MIPOL1: variants seen among roughly 807,000 people sequenced by gnomAD.
The protein encoded by MIPOL1 is mirror-image polydactyly 1, also known as mirror-image polydactyly gene 1 protein.
MIPOL1 carries 57 observed loss-of-function variants against 60.9 expected under a neutral mutation model. The observed-to-expected ratio is 0.94, with a 90% CI of 0.76 to 1.17. The LOEUF (loss-of-function observed/expected upper bound fraction) is 1.17, where lower values mean the gene tolerates loss of function less well. MIPOL1 is among the 50% of genes most tolerant of loss of function. MIPOL1 has a pLI of 0.00. For missense variants in MIPOL1, 551 were observed against 511.6 expected (o/e 1.08, Z -0.74); for synonymous variants, 179 against 168.8 (o/e 1.06, Z -0.47).
chr14:37,464,379 C>CT (rs2094574258), intron 11 of MIPOL1, among the ~76,000 whole-genome samples: 1 of 152,054 alleles, frequency 6.6e-6, no homozygotes, highest in South Asian at 2.1e-4. Context: ...TATATATACA[C>CT]TATGGAATAG....
chr14:37,378,705 C>G (rs1451585512), intron 10 of MIPOL1, among the ~76,000 whole-genome samples: 1 of 149,944 alleles, frequency 6.7e-6, no homozygotes. Context: ...GAGGGAGGGA[C>G]GGAAGGAAAG....
chr14:37,515,579 A>T (rs1042957401), intron 12 of MIPOL1, among the ~76,000 whole-genome samples: 3 of 152,230 alleles, frequency 2.0e-5, no homozygotes, highest in Non-Finnish European at 2.9e-5. Flanking sequence ...TGTGCCATAT[A>T]ACAAGCTATA....
At chr14:37,434,168 A>C (rs967445670) in intron 11 of MIPOL1, among the ~76,000 whole-genome samples, 2 of 152,156 alleles carry the variant, frequency 1.3e-5, no homozygotes, top group Admixed American at 6.5e-5. Flanking sequence ...AAGCATTCCT[A>C]TGTCTCCACA....
At chr14:37,232,117 A>C (rs935073241) in intron 1 of MIPOL1, among the ~76,000 whole-genome samples, 1 of 152,132 alleles carries the variant, frequency 6.6e-6, no homozygotes. Context: ...AAAATATTTT[A>C]TTATTGTTTG....
chr14:37,388,165 A>C (rs1301853531), intron 10 of MIPOL1, among the ~76,000 whole-genome samples: 2 of 151,982 alleles, frequency 1.3e-5, no homozygotes, highest in African/African-American at 2.4e-5. Context: ...GATAAAAAAA[A>C]AAACTTGAGG....
chr14:37,213,788 C>T (rs1281887320), intron 1 of MIPOL1, among the ~76,000 whole-genome samples: 1 of 152,048 alleles, frequency 6.6e-6, no homozygotes, highest in Non-Finnish European at 1.5e-5. Context: ...ATGAAACTCC[C>T]AAAGGTCAGT....
intron 1 of MIPOL1, among the ~76,000 whole-genome samples, chr14:37,225,066 T>G (rs1169600085): frequency 3.9e-5 from 6 of 152,170 alleles, no homozygotes; most frequent in African/African-American, 1.4e-4. Context: ...CAGGTCACGC[T>G]GATGCAAGAG....
intron 7 of MIPOL1, among the ~76,000 whole-genome samples, chr14:37,289,789 G>A (rs2084898524): frequency 1.3e-5 from 2 of 152,088 alleles, no homozygotes; most frequent in African/African-American, 2.4e-5. Context: ...CAGAGGTTGG[G>A]GGTTGAAGCT....
chr14:37,355,904 G>C (rs1321432366), intron 9 of MIPOL1, among the ~76,000 whole-genome samples: 1 of 147,924 alleles, frequency 6.8e-6, no homozygotes, highest in South Asian at 2.3e-4. Flanking sequence ...TCTTCTCTCA[G>C]CTCGTCAAAG....
intron 7 of MIPOL1, among the ~76,000 whole-genome samples, chr14:37,298,849 G>A (rs1249298796): frequency 6.6e-6 from 1 of 150,518 alleles, no homozygotes; most frequent in Admixed American, 6.6e-5. Flanking sequence ...CACTGTTGGT[G>A]GGACTGTAAA....
intron 9 of MIPOL1, among the ~76,000 whole-genome samples, chr14:37,333,289 AC>A (rs1235653164): frequency 6.6e-6 from 1 of 152,100 alleles, no homozygotes; most frequent in African/African-American, 2.4e-5. Flanking sequence ...TTCATGGTAT[AC>A]CTTTTTCTTA....
chr14:37,506,997 G>GA, intron 12 of MIPOL1: 1 of 152,254 alleles, frequency 6.6e-6, no homozygotes, highest in East Asian at 1.9e-4. Context: ...ACAGACATAT[G>GA]AAAAAATGCT....
intron 10 of MIPOL1, among the ~76,000 whole-genome samples, chr14:37,408,703 T>G (rs1239166934): frequency 1.3e-5 from 2 of 152,170 alleles, no homozygotes; most frequent in East Asian, 3.9e-4. Flanking sequence ...AATGTGAGAA[T>G]TATAAACAGT....
In MIPOL1 at chr14:37,527,521, G is replaced by T. The variant is rs185902805; in HGVS notation, c.1263-19384G>T. Among the ~76,000 whole-genome samples the T allele has an allele frequency of 1.2e-4, 18 of 152,080 alleles. No homozygotes were observed. In the East Asian group the frequency reaches 2.3e-3, roughly 20 times the overall value. ...GCAAATAAGCTGTCATAGTTCTTCA[G>T]TCATAAATCATCTCTTCCAATGCAA... On this transcript the variant is annotated intron_variant, in intron 12 of 12. Coordinates refer to ENST00000684589, the MANE Select transcript of MIPOL1 (RefSeq NM_001388067.1).
chr14:37,360,143 AC>A (rs1276483087), intron 9 of MIPOL1, among the ~76,000 whole-genome samples: 3 of 151,440 alleles, frequency 2.0e-5, no homozygotes, highest in Admixed American at 6.6e-5. Context: ...CATATGTTGA[AC>A]CAGCCTTGCA....
chr14:37,202,511 T>C (rs1056836074), intron 1 of MIPOL1, among the ~76,000 whole-genome samples: 3 of 152,134 alleles, frequency 2.0e-5, no homozygotes, highest in Non-Finnish European at 2.9e-5. Flanking sequence ...TTGAATCAGC[T>C]TGGAGTCACT....
At chr14:37,453,981 T>G (rs945674981) in intron 11 of MIPOL1, among the ~76,000 whole-genome samples, 1 of 152,222 alleles carries the variant, frequency 6.6e-6, no homozygotes, top group African/African-American at 2.4e-5. Flanking sequence ...TGTGTGCGAT[T>G]TAAATAATCT....
chr14:37,499,404 T>C (rs2095181865), intron 11 of MIPOL1, among the ~76,000 whole-genome samples: 1 of 152,166 alleles, frequency 6.6e-6, no homozygotes, highest in Admixed American at 6.6e-5. Context: ...TTTAAATTCA[T>C]TTATATCTCA....
intron 9 of MIPOL1, among the ~76,000 whole-genome samples, chr14:37,356,079 GT>G (rs2091793554): frequency 6.7e-6 from 1 of 148,302 alleles, no homozygotes; most frequent in Non-Finnish European, 1.5e-5. Flanking sequence ...GTACAGATGG[GT>G]TTTTGGTGTG....
Sources: allele counts gnomAD v4.1 joint callset (sites outside exome capture counted in the v4.1 genomes callset), GRCh38; gene constraint gnomAD v4.1.1; transcripts MANE v1.5; gene names NCBI Gene and HGNC (gene_info 2026-07-23, HGNC 2026-07-21).